Variants in RANBP2 observed in about 807,000 individuals in gnomAD.
RANBP2 encodes the protein E3 SUMO-protein ligase RanBP2.
RANBP2 carries 57 observed loss-of-function variants against 303.6 expected under a neutral mutation model. That is an observed-to-expected ratio of 0.19 (90% CI 0.15 to 0.23). The LOEUF is 0.23. RANBP2 is among the 10% of genes least tolerant of loss of function. The pLI, the probability that RANBP2 is intolerant of heterozygous loss-of-function variation, is 1.00. For synonymous variants in RANBP2, 1,167 were observed against 1,301.5 expected (o/e 0.90, Z 2.23); for missense variants, 3,138 against 3,780.8 (o/e 0.83, Z 4.46).
the RANBP2 span, among the ~76,000 whole-genome samples, chr2:109,644,913 C>A: frequency 6.6e-6 from 1 of 152,200 alleles, no homozygotes; most frequent in Non-Finnish European, 1.5e-5. Flanking sequence ...ACAATAACCA[C>A]TCTGGTGAAG....
chr2:108,938,190 T>C, the RANBP2 span, among the ~76,000 whole-genome samples: 2,629 of 152,288 alleles, frequency 0.017, 29 homozygotes, highest in Middle Eastern at 0.034. Flanking sequence ...ATCTCATCTT[T>C]CTATTTGACT....
chr2:108,953,906 C>T, the RANBP2 span, among the ~76,000 whole-genome samples: 49 of 152,212 alleles, frequency 3.2e-4, no homozygotes, highest in South Asian at 7.7e-3. Context: ...ATATGGATAT[C>T]CTTTGAAATA....
At chr2:109,051,224 T>A in the RANBP2 span, among the ~76,000 whole-genome samples, 1 of 152,236 alleles carries the variant, frequency 6.6e-6, no homozygotes, top group Non-Finnish European at 1.5e-5. Context: ...CTAAGGAGGT[T>A]AACTTTGCCT....
At chr2:108,840,773 CTCTT>C in the RANBP2 span, among the ~76,000 whole-genome samples, 4 of 148,998 alleles carry the variant, frequency 2.7e-5, no homozygotes, top group African/African-American at 5.0e-5. Flanking sequence ...AAAGGATCAT[CTCTT>C]TGTTTCATTT....
the RANBP2 span, among the ~76,000 whole-genome samples, chr2:108,979,299 C>T: frequency 2.6e-5 from 4 of 152,134 alleles, no homozygotes; most frequent in Non-Finnish European, 5.9e-5. Context: ...GTCAGATTTG[C>T]CTCTTCCATT....
the RANBP2 span, among the ~76,000 whole-genome samples, chr2:109,083,634 G>A: frequency 3.9e-5 from 6 of 151,924 alleles, no homozygotes; most frequent in Admixed American, 6.6e-5. Flanking sequence ...AATATCTCTC[G>A]GGGACTCTGC....
chr2:109,171,110 T>C, the RANBP2 span, among the ~76,000 whole-genome samples: 2 of 152,226 alleles, frequency 1.3e-5, no homozygotes, highest in African/African-American at 4.8e-5. Context: ...GACTTATCTC[T>C]TCCTCAGTAA....
the RANBP2 span, among the ~76,000 whole-genome samples, chr2:109,489,149 C>A: frequency 6.6e-6 from 1 of 152,380 alleles, no homozygotes; most frequent in South Asian, 2.1e-4. Context: ...CATTATATCT[C>A]TTTCCCTCTC....
the RANBP2 span, among the ~76,000 whole-genome samples, chr2:109,246,340 T>C: frequency 0.045 from 6,816 of 152,268 alleles, 430 homozygotes; most frequent in African/African-American, 0.14. Flanking sequence ...GCCTTCTCAC[T>C]GTGTCCTCCC....
At chr2:109,323,835 T>C in the RANBP2 span, among the ~76,000 whole-genome samples, 1 of 152,260 alleles carries the variant, frequency 6.6e-6, no homozygotes, top group African/African-American at 2.4e-5. Flanking sequence ...CTTTTAGCTT[T>C]TCTTATGTTT....
At chr2:109,399,992 T>C in the RANBP2 span, among the ~76,000 whole-genome samples, 1 of 152,320 alleles carries the variant, frequency 6.6e-6, no homozygotes, top group Middle Eastern at 3.4e-3. Flanking sequence ...AGAGTCCCTC[T>C]GGCTGCCCTG....
the RANBP2 span, among the ~76,000 whole-genome samples, chr2:109,259,214 A>G: frequency 7.2e-5 from 11 of 152,204 alleles, no homozygotes; most frequent in African/African-American, 2.7e-4. Flanking sequence ...TCTGGCCTTC[A>G]TGGGTCGGAT....
the RANBP2 span, among the ~76,000 whole-genome samples, chr2:109,599,567 G>A: frequency 6.6e-6 from 1 of 152,076 alleles, no homozygotes. Context: ...ATCCTCCGGA[G>A]GGTGTCAGTA....
the RANBP2 span, among the ~76,000 whole-genome samples, chr2:109,434,824 C>A: frequency 1.3e-5 from 2 of 152,248 alleles, no homozygotes; most frequent in Admixed American, 1.3e-4. Flanking sequence ...ATACCATGTT[C>A]ATATACGAGG....
At chr2:109,338,834 T>C in the RANBP2 span, among the ~76,000 whole-genome samples, 98,547 of 152,106 alleles carry the variant, frequency 0.65, 33,718 homozygotes, top group East Asian at 0.91. Flanking sequence ...TGTGAGCCAT[T>C]GCGCCAAGTC....
chr2:109,355,650 GGCCATTGGGA>G, the RANBP2 span, among the ~76,000 whole-genome samples: 6 of 152,136 alleles, frequency 3.9e-5, no homozygotes, highest in Non-Finnish European at 8.8e-5. Context: ...TTTCCTCTTC[GGCCATTGGGA>G]GCCTCTGGTA....
At chr2:108,760,545 T>C (rs561646175) in intron 18 of RANBP2, among the ~76,000 whole-genome samples, 10 of 152,330 alleles carry the variant, frequency 6.6e-5, no homozygotes, top group African/African-American at 2.2e-4. Context: ...TTACCACTAG[T>C]ATCTGATAGT....
chr2:109,402,460 A>G, the RANBP2 span, among the ~76,000 whole-genome samples: 1 of 152,212 alleles, frequency 6.6e-6, no homozygotes, highest in African/African-American at 2.4e-5. Flanking sequence ...CCACAAACAG[A>G]GGCCCCTCAC....
chr2:108,878,649 T>C, the RANBP2 span, among the ~76,000 whole-genome samples: 2 of 152,212 alleles, frequency 1.3e-5, no homozygotes, highest in Non-Finnish European at 2.9e-5. Flanking sequence ...GTGAGACCTT[T>C]TATTTGAAAA....
Sources: gnomAD v4.1 joint callset for allele counts (sites outside exome capture counted in the v4.1 genomes callset) on GRCh38, gnomAD v4.1.1 for gene constraint, MANE v1.5 for transcripts, NCBI Gene and HGNC (gene_info 2026-07-23, HGNC 2026-07-21) for gene names.